Variants in SOX5 observed in about 807,000 individuals in gnomAD.
The protein encoded by SOX5 is SRY-box transcription factor 5.
Under a neutral mutation model 92.0 loss-of-function variants are expected in SOX5, and 9 were observed. The observed-to-expected ratio is 0.10, with a 90% CI of 0.06 to 0.17. SOX5 has a LOEUF of 0.17. SOX5 is among the 10% of genes least tolerant of loss of function. SOX5 has a pLI of 1.00. For synonymous variants in SOX5, 344 were observed against 336.3 expected (o/e 1.02, Z -0.25); for missense variants, 642 against 944.5 (o/e 0.68, Z 4.20).
intron 1 of SOX5, among the ~76,000 whole-genome samples, chr12:24,369,321 G>A (rs1178870813): frequency 6.6e-6 from 1 of 152,166 alleles, no homozygotes; most frequent in East Asian, 1.9e-4. Flanking sequence ...GGGCCAAGCA[G>A]TATCAGTTTT....
At chr12:23,883,244 T>A (rs965520619) in intron 2 of SOX5, among the ~76,000 whole-genome samples, 1 of 151,962 alleles carries the variant, frequency 6.6e-6, no homozygotes, top group African/African-American at 2.4e-5. Flanking sequence ...CCACAGAGCT[T>A]TCTACTTTAA....
intron 4 of SOX5, among the ~76,000 whole-genome samples, chr12:24,167,344 T>C (rs745969328): frequency 3.3e-5 from 5 of 152,216 alleles, no homozygotes; most frequent in Non-Finnish European, 7.3e-5. Flanking sequence ...AACTCAGTAT[T>C]TGACAAACTT....
At chr12:23,711,518 T>C (rs1455438112) in intron 6 of SOX5, among the ~76,000 whole-genome samples, 12 of 152,176 alleles carry the variant, frequency 7.9e-5, no homozygotes, top group Admixed American at 7.9e-4. Flanking sequence ...AATGTATTAT[T>C]AATAACATTT....
chr12:23,609,280 CAA>C (rs1422360026), intron 8 of SOX5, among the ~76,000 whole-genome samples: 1 of 151,914 alleles, frequency 6.6e-6, no homozygotes, highest in Non-Finnish European at 1.5e-5. Context: ...GAAACATAAG[CAA>C]AAGAGTTTTA....
chr12:23,688,207 T>C (rs552224154), intron 6 of SOX5, among the ~76,000 whole-genome samples: 1 of 152,202 alleles, frequency 6.6e-6, no homozygotes, highest in East Asian at 1.9e-4. Context: ...ATAGTTCTCA[T>C]CTCAATTATA....
At chr12:23,748,108 T>C (rs2094056474) in intron 4 of SOX5, among the ~76,000 whole-genome samples, 1 of 152,036 alleles carries the variant, frequency 6.6e-6, no homozygotes, top group Non-Finnish European at 1.5e-5. Flanking sequence ...TATACTATAG[T>C]AGTTAGCATT....
Position 24,284,621 on chromosome 12 carries a change from C to CA in SOX5, c.-173-7310dup, listed in dbSNP as rs565973954. ...CCTCGTCTTTCCTGGCTTCCTGCCT[C>CA]AGGCAGCAGACTCTTCTTGGTCTAC... On this transcript the variant is annotated intron_variant, in intron 2 of 4. Transcript: ENST00000446891. Among the ~76,000 whole-genome samples, 18 of 152,288 alleles carry CA rather than the reference C, an allele frequency of 1.2e-4. No individual in the cohort carries two copies. The East Asian group carries it at 2.9e-3, about 25-fold the overall frequency.
chr12:23,581,765 G>T (rs943986647), intron 9 of SOX5, among the ~76,000 whole-genome samples: 1 of 151,930 alleles, frequency 6.6e-6, no homozygotes, highest in Non-Finnish European at 1.5e-5. Context: ...TAAAACCTAG[G>T]TATAGATTTA....
chr12:23,768,045 A>G (rs2094798427), intron 3 of SOX5, among the ~76,000 whole-genome samples: 1 of 152,200 alleles, frequency 6.6e-6, no homozygotes, highest in Non-Finnish European at 1.5e-5. Flanking sequence ...CATGGATTCC[A>G]TGCTTTCCTA....
At chr12:24,226,606 G>C (rs1471543417) in intron 3 of SOX5, among the ~76,000 whole-genome samples, 1 of 152,002 alleles carries the variant, frequency 6.6e-6, no homozygotes, top group African/African-American at 2.4e-5. Flanking sequence ...GAGTAACTGG[G>C]ATTACACGCA....
chr12:23,767,967 C>T (rs764863933), intron 3 of SOX5, among the ~76,000 whole-genome samples: 57 of 152,084 alleles, frequency 3.7e-4, no homozygotes, highest in Admixed American at 2.6e-4. Context: ...CCCCTCATTA[C>T]GAATGTATCT....
chr12:24,093,214 G>T (rs1316209557), intron 4 of SOX5, among the ~76,000 whole-genome samples: 1 of 151,964 alleles, frequency 6.6e-6, no homozygotes, highest in African/African-American at 2.4e-5. Context: ...CACTGAATTG[G>T]ATGTTCTATA....
At chr12:24,489,216 T>C (rs1321394231) in intron 1 of SOX5, among the ~76,000 whole-genome samples, 1 of 152,236 alleles carries the variant, frequency 6.6e-6, no homozygotes, top group Non-Finnish European at 1.5e-5. Flanking sequence ...TAAATGACTC[T>C]GATGGAGAAA....
At chr12:24,349,898 C>T (rs1454709039) in intron 2 of SOX5, among the ~76,000 whole-genome samples, 1 of 152,180 alleles carries the variant, frequency 6.6e-6, no homozygotes, top group African/African-American at 2.4e-5. Context: ...TACATTCCCA[C>T]CCACAGTGCA....
intron 12 of SOX5, among the ~76,000 whole-genome samples, chr12:23,545,169 C>T (rs1368052600): frequency 6.6e-6 from 1 of 152,144 alleles, no homozygotes; most frequent in Non-Finnish European, 1.5e-5. Context: ...TGGCCCAAGG[C>T]ACAGAGTAAA....
At position 23,829,985 on chromosome 12, in the gene SOX5, C is replaced by T. The variant is rs558405696; in HGVS notation, c.481+15998G>A. On this transcript the variant is annotated intron_variant, in intron 3 of 14. Coordinates refer to ENST00000451604, the MANE Select transcript of SOX5 (RefSeq NM_006940.6). The stretch of plus-strand genomic sequence containing the variant: ...CCTGCTATATAAAAAGATTACCAAG[C>T]AGAATTTCTGAGCCTTTACAATCCA... Among the ~76,000 whole-genome samples, 17 of 152,158 alleles carry T rather than the reference C, an allele frequency of 1.1e-4. No individual in the cohort carries two copies. The South Asian group carries it at 2.7e-3, about 24-fold the overall frequency.
chr12:24,364,304 C>A (rs750664020), intron 2 of SOX5, among the ~76,000 whole-genome samples: 1 of 151,756 alleles, frequency 6.6e-6, no homozygotes, highest in African/African-American at 2.4e-5. Context: ...AAATGCATTT[C>A]GTCTTATCTG....
At chr12:24,150,497 C>A (rs561384262) in intron 4 of SOX5, among the ~76,000 whole-genome samples, 1 of 151,996 alleles carries the variant, frequency 6.6e-6, no homozygotes, top group Non-Finnish European at 1.5e-5. Flanking sequence ...TTGGTGACCA[C>A]GAGCATTTCA....
intron 2 of SOX5, among the ~76,000 whole-genome samples, chr12:24,329,407 AC>A (rs1311335903): frequency 6.6e-6 from 1 of 152,122 alleles, no homozygotes; most frequent in Admixed American, 6.5e-5. Flanking sequence ...AAATCATTAG[AC>A]CTGGTGAAAA....
Sources: allele counts gnomAD v4.1 joint callset (sites outside exome capture counted in the v4.1 genomes callset), GRCh38; gene constraint gnomAD v4.1.1; transcripts MANE v1.5; gene names NCBI Gene and HGNC (gene_info 2026-07-23, HGNC 2026-07-21).